Variants in BBOX1 observed in about 807,000 individuals in gnomAD.
The protein encoded by BBOX1 is gamma-butyrobetaine dioxygenase.
BBOX1 carries 35 observed loss-of-function variants against 41.6 expected under a neutral mutation model. The ratio of observed to expected loss-of-function variants is 0.84; its 90% CI spans 0.64 to 1.11. The LOEUF (loss-of-function observed/expected upper bound fraction) is 1.11. Ranked by LOEUF, BBOX1 falls within the 50% of genes most tolerant of loss-of-function variation. BBOX1 has a pLI of 0.00. For missense variants in BBOX1, 458 were observed against 460.6 expected, an observed-to-expected ratio of 0.99 and a Z score of 0.05; for synonymous variants, 163 against 154.7, an observed-to-expected ratio of 1.05 and a Z score of -0.40.
Position 27,064,888 on chromosome 11 carries a change from G to A in BBOX1, c.334+7573G>A, listed in dbSNP as rs1261794234. ...AGGTAGACCCATGGGGTCCAGTGGA[G>A]CCATAGGTGTCAGACATGAAAAAAA... On this transcript the variant is annotated intron_variant, in intron 4 of 8. Transcript: ENST00000263182. Among the ~76,000 whole-genome samples the A allele has an allele frequency of 2.7e-5, 4 of 147,922 alleles. No individual in the cohort carries two copies. The East Asian group carries it at 6.2e-4, about 23-fold the overall frequency.
At chr11:27,072,066 G>A (rs1292691910) in intron 4 of BBOX1, among the ~76,000 whole-genome samples, 1 of 152,182 alleles carries the variant, frequency 6.6e-6, no homozygotes, top group Non-Finnish European at 1.5e-5. Flanking sequence ...TGGAAGTTCT[G>A]GCCAGGGCAT....
chr11:27,068,203 G>A (rs1015801218), intron 4 of BBOX1, among the ~76,000 whole-genome samples: 5 of 151,704 alleles, frequency 3.3e-5, no homozygotes, highest in South Asian at 2.1e-4. Flanking sequence ...CACAGTGAAC[G>A]CTTCCCTTTT....
chr11:27,045,802 T>C (rs934713809), intron 2 of BBOX1, among the ~76,000 whole-genome samples: 1 of 152,202 alleles, frequency 6.6e-6, no homozygotes, highest in African/African-American at 2.4e-5. Flanking sequence ...AGTAATTTAG[T>C]AGATAAATCA....
intron 2 of BBOX1, among the ~76,000 whole-genome samples, chr11:27,041,873 T>G (rs1205877846): frequency 6.6e-6 from 1 of 152,182 alleles, no homozygotes; most frequent in Admixed American, 6.5e-5. Flanking sequence ...GGTTGGATTT[T>G]CAAAATGTTC....
Position 27,055,391 on chromosome 11 carries a change from A to G in BBOX1, c.-38-2A>G, listed in dbSNP as rs1590169119. 1.3e-6 allele frequency: 2 copies of G among 1,588,180 alleles called. No homozygotes were observed. The highest frequency in any genetic ancestry group is 4.5e-5 in the East Asian group (2 of 44,626). ...ATTCCTTTTAACACTGATTTGTCAT[A>G]GCAGGTAGCTGACAGCATCTACTCC... is the stretch of plus-strand genomic sequence containing the variant. On this transcript the variant is annotated splice_acceptor_variant, in intron 2 of 8. Transcript: ENST00000263182. LOFTEE classifies it low-confidence loss of function (5UTR_SPLICE).
chr11:27,064,720 A>C (rs1857229684), intron 4 of BBOX1, among the ~76,000 whole-genome samples: 1 of 152,086 alleles, frequency 6.6e-6, no homozygotes, highest in South Asian at 2.1e-4. Context: ...GAGTTTTTCA[A>C]AGGCATTCTG....
intron 5 of BBOX1, among the ~76,000 whole-genome samples, chr11:27,107,864 ATAAG>A (rs1858924133): frequency 6.6e-6 from 1 of 152,068 alleles, no homozygotes; most frequent in African/African-American, 2.4e-5. Context: ...TTTGGGATGC[ATAAG>A]TAAGAACTTA....
chr11:27,119,528 CAG>C (rs1333954883), intron 6 of BBOX1, 119 bp from the exon 7 acceptor site: 2 of 569,614 alleles, frequency 3.5e-6, no homozygotes, highest in African/African-American at 2.0e-5. Flanking sequence ...ATCTTTAACA[CAG>C]TATCAAAAAA....
chr11:27,063,061 C>T (rs1857179073), intron 4 of BBOX1: 1 of 152,224 alleles, frequency 6.6e-6, no homozygotes, highest in African/African-American at 2.4e-5. Context: ...AGAAATAGTC[C>T]TGTAAAAGAC....
intron 2 of BBOX1, among the ~76,000 whole-genome samples, chr11:27,044,406 T>C (rs376821538): frequency 2.0e-5 from 3 of 152,230 alleles, no homozygotes; most frequent in Non-Finnish European, 4.4e-5. Flanking sequence ...ACTCTGATGA[T>C]AGTTCTGCTG....
intron 2 of BBOX1, among the ~76,000 whole-genome samples, chr11:27,046,471 G>T (rs1176451497): frequency 1.4e-5 from 2 of 146,006 alleles, no homozygotes; most frequent in Non-Finnish European, 3.0e-5. Context: ...CTACACACAT[G>T]TATTAATATG....
At position 27,093,148 on chromosome 11, in the gene BBOX1, T is replaced by C; in HGVS notation, c.335-20T>C. On this transcript the variant is annotated intron_variant, in intron 4 of 8. Coordinates refer to ENST00000263182, the MANE Select transcript of BBOX1 (RefSeq NM_003986.3). The stretch of plus-strand genomic sequence containing the variant: ...AAAGAATGTAATCCCATCTGATTTC[T>C]TCATTTTATCAATTCACAGAATGCC... The C allele has an allele frequency of 6.2e-7, 1 of 1,607,722 alleles. No individual in the cohort carries two copies. Among genetic ancestry groups the C allele is most frequent in the Non-Finnish European group, 8.5e-7 (1 of 1,175,208 alleles).
intron 7 of BBOX1, among the ~76,000 whole-genome samples, chr11:27,120,225 T>C (rs929884438): frequency 1.3e-5 from 2 of 152,164 alleles, no homozygotes; most frequent in Non-Finnish European, 2.9e-5. Context: ...TCTTTTTTCT[T>C]CTTAGCTTTG....
chr11:27,105,671 G>A (rs779112038), intron 5 of BBOX1, among the ~76,000 whole-genome samples: 30 of 151,984 alleles, frequency 2.0e-4, no homozygotes, highest in Non-Finnish European at 3.5e-4. Context: ...AACACTGCAG[G>A]ATATCATCCA....
At chr11:27,071,225 G>A (rs1353008659) in intron 4 of BBOX1, among the ~76,000 whole-genome samples, 5 of 151,672 alleles carry the variant, frequency 3.3e-5, no homozygotes, top group Non-Finnish European at 1.5e-5. Flanking sequence ...CAAAAAAAAT[G>A]CAAAAAATTA....
chr11:27,086,696 A>C (rs117691426), intron 4 of BBOX1, among the ~76,000 whole-genome samples: 3 of 152,260 alleles, frequency 2.0e-5, no homozygotes, highest in East Asian at 3.9e-4. Flanking sequence ...TCATTTAAGA[A>C]ACACACATTT....
intron 7 of BBOX1, among the ~76,000 whole-genome samples, chr11:27,121,365 G>C (rs1358445336): frequency 6.6e-6 from 1 of 152,180 alleles, no homozygotes; most frequent in African/African-American, 2.4e-5. Flanking sequence ...AGTGAAGTAA[G>C]AAGTTGCTGC....
At chr11:27,098,587 T>C (rs1380284376) in intron 5 of BBOX1, among the ~76,000 whole-genome samples, 2 of 152,108 alleles carry the variant, frequency 1.3e-5, no homozygotes, top group African/African-American at 4.8e-5. Flanking sequence ...TGCATGGCTT[T>C]ATCATACTAT....
intron 5 of BBOX1, among the ~76,000 whole-genome samples, chr11:27,114,882 A>G (rs1380206268): frequency 1.3e-5 from 2 of 151,928 alleles, no homozygotes; most frequent in African/African-American, 4.8e-5. Flanking sequence ...AGCTTACTAT[A>G]TAATTCCATT....
Sources: allele counts gnomAD v4.1 joint callset (sites outside exome capture counted in the v4.1 genomes callset), GRCh38; gene constraint gnomAD v4.1.1; transcripts MANE v1.5; gene names NCBI Gene and HGNC (gene_info 2026-07-23, HGNC 2026-07-21).